C12orf42: variants seen among roughly 807,000 people sequenced by gnomAD.
The protein encoded by C12orf42 is chromosome 12 open reading frame 42.
C12orf42 carries 25 observed loss-of-function variants against 21.6 expected under a neutral mutation model. That is an observed-to-expected ratio of 1.16 (90% confidence interval 0.84 to 1.62). The LOEUF is 1.62. Among genes scored for constraint, C12orf42 ranks in the 40% most tolerant of loss-of-function variants. C12orf42 has a pLI of 0.00. For missense variants in C12orf42, 483 were observed against 459.3 expected (o/e 1.05, Z -0.47); for synonymous variants, 174 against 175.0 (o/e 0.99, Z 0.05).
intron 2 of C12orf42, among the ~76,000 whole-genome samples, chr12:103,468,760 T>G (rs2137824190): frequency 6.6e-6 from 1 of 151,632 alleles, no homozygotes; most frequent in South Asian, 2.1e-4. Flanking sequence ...TTCACCCAAG[T>G]GCAAATTACC....
intron 3 of C12orf42, among the ~76,000 whole-genome samples, chr12:103,399,657 TCTG>T (rs2047828687): frequency 3.9e-5 from 4 of 102,242 alleles, no homozygotes; most frequent in Admixed American, 3.6e-4. Context: ...GAATTATTTA[TCTG>T]AATTATTTAT....
chr12:103,314,112 GAGTATCCC>G (rs1053708824), intron 4 of C12orf42, among the ~76,000 whole-genome samples: 1 of 152,178 alleles, frequency 6.6e-6, no homozygotes, highest in Non-Finnish European at 1.5e-5. Context: ...TGGAAAAAAA[GAGTATCCC>G]AGCCTGACAA....
At chr12:103,169,020 G>A in the C12orf42 span, among the ~76,000 whole-genome samples, 105 of 152,162 alleles carry the variant, frequency 6.9e-4, no homozygotes, top group Admixed American at 6.2e-3. Context: ...GGGGATGGGA[G>A]ACAAGGAGAG....
chr12:103,238,969 G>A (rs943208996), intron 10 of C12orf42, among the ~76,000 whole-genome samples: 1 of 152,308 alleles, frequency 6.6e-6, no homozygotes, highest in Non-Finnish European at 1.5e-5. Flanking sequence ...GGAGAATTGT[G>A]GGCAACTGTG....
At chr12:103,462,510 G>A (rs1952807190) in intron 2 of C12orf42, among the ~76,000 whole-genome samples, 1 of 152,132 alleles carries the variant, frequency 6.6e-6, no homozygotes, top group South Asian at 2.1e-4. Flanking sequence ...ATAGGTGGTT[G>A]CTGTAGCACT....
At chr12:103,537,263 G>A in the C12orf42 span, among the ~76,000 whole-genome samples, 1 of 151,878 alleles carries the variant, frequency 6.6e-6, no homozygotes, top group Non-Finnish European at 1.5e-5. Flanking sequence ...CTTCAGAAGG[G>A]TTGGTGAGTG....
At position 103,242,220 on chromosome 12, in the gene C12orf42, A is replaced by G. The variant is rs1520189; in HGVS notation, c.*1367-4318T>C. 0.018 allele frequency among the ~76,000 whole-genome samples: 2,702 copies of G among 152,308 alleles called. 157 individuals carry two copies. The East Asian group carries it at 0.21, about 12-fold the overall frequency. Reference sequence around the variant, plus strand: ...AAGTGCTTTCCAAATTCAGCACCAGAACTCAGCTCTGAGATCCACCTGTTG... The same window carrying G: ...AAGTGCTTTCCAAATTCAGCACCAGGACTCAGCTCTGAGATCCACCTGTTG... On this transcript the variant is annotated intron_variant and NMD_transcript_variant, in intron 10 of 10. Transcript: ENST00000547347.
At chr12:103,506,505 A>G in the C12orf42 span, among the ~76,000 whole-genome samples, 1 of 151,898 alleles carries the variant, frequency 6.6e-6, no homozygotes, top group East Asian at 1.9e-4. Context: ...CTTTGTTTAG[A>G]TATGTTTGAA....
At chr12:103,309,623 C>CAAA (rs5800582) in intron 4 of C12orf42, among the ~76,000 whole-genome samples, 176 of 142,632 alleles carry the variant, frequency 1.2e-3, no homozygotes, top group African/African-American at 4.3e-3. Flanking sequence ...TCTTTTCACT[C>CAAA]AAAAAAAAAA....
At chr12:103,401,401 T>C (rs1168115890) in intron 3 of C12orf42, among the ~76,000 whole-genome samples, 1 of 152,120 alleles carries the variant, frequency 6.6e-6, no homozygotes, top group Admixed American at 6.5e-5. Context: ...GTGCAAAGAA[T>C]AAGGAGTTGG....
chr12:103,359,535 G>A (rs959209096), intron 4 of C12orf42, among the ~76,000 whole-genome samples: 12 of 151,992 alleles, frequency 7.9e-5, no homozygotes, highest in East Asian at 1.9e-4. Flanking sequence ...TAAATGAGAC[G>A]TTTGATTTAA....
chr12:103,175,624 T>C, the C12orf42 span, among the ~76,000 whole-genome samples: 1 of 152,130 alleles, frequency 6.6e-6, no homozygotes, highest in Non-Finnish European at 1.5e-5. Context: ...GGAATAATTT[T>C]CTATTACACT....
At chr12:103,480,176 T>C (rs1004523931) in intron 1 of C12orf42, among the ~76,000 whole-genome samples, 2 of 151,894 alleles carry the variant, frequency 1.3e-5, no homozygotes, top group African/African-American at 4.8e-5. Context: ...AAACTGCATT[T>C]TTCAAATAAA....
the C12orf42 span, among the ~76,000 whole-genome samples, chr12:103,116,381 A>ATATAT: frequency 1.3e-4 from 18 of 136,710 alleles, no homozygotes; most frequent in Non-Finnish European, 2.0e-4. Context: ...AAAAAAAAAA[A>ATATAT]ATATATATAT....
At chr12:103,478,044 A>C (rs1467875426) in intron 2 of C12orf42, 1 of 262,306 alleles carries the variant, frequency 3.8e-6, no homozygotes, top group Non-Finnish European at 7.2e-6. Context: ...ATGTGCCTCA[A>C]TCCTAATGGT....
chr12:103,298,477 C>T (rs1470834261), downstream of C12orf42, among the ~76,000 whole-genome samples: 1 of 152,190 alleles, frequency 6.6e-6, no homozygotes, highest in Non-Finnish European at 1.5e-5. Flanking sequence ...AATGGAAGAA[C>T]ATTCCATGCT....
intron 4 of C12orf42, among the ~76,000 whole-genome samples, chr12:103,325,127 T>C (rs1197995865): frequency 6.6e-6 from 1 of 152,080 alleles, no homozygotes; most frequent in Non-Finnish European, 1.5e-5. Context: ...AGAAGACAAA[T>C]ATGCATGAAA....
the C12orf42 span, among the ~76,000 whole-genome samples, chr12:103,071,010 T>G: frequency 2.6e-5 from 4 of 152,328 alleles, no homozygotes; most frequent in East Asian, 5.8e-4. Context: ...TTGTACCATG[T>G]CAGAGTGAAG....
chr12:103,252,145 A>G (rs2034339135), intron 10 of C12orf42, among the ~76,000 whole-genome samples: 2 of 152,162 alleles, frequency 1.3e-5, no homozygotes, highest in Non-Finnish European at 2.9e-5. Flanking sequence ...ATGGCTGCAT[A>G]GTATTCCATG....
Sources: allele counts gnomAD v4.1 joint callset (sites outside exome capture counted in the v4.1 genomes callset), GRCh38; gene constraint gnomAD v4.1.1; transcripts MANE v1.5; gene names NCBI Gene and HGNC (gene_info 2026-07-23, HGNC 2026-07-21).